The following NAV2 variants were observed in gnomAD, a reference collection of about 807,000 sequenced individuals.
NAV2 encodes neuron navigator 2.
In NAV2, 54 loss-of-function variants were observed where a neutral mutation model predicts 223.2. The ratio of observed to expected loss-of-function variants is 0.24; its 90% CI spans 0.19 to 0.30. The LOEUF is 0.30. Ranked by LOEUF, NAV2 falls within the 10% of genes least tolerant of loss-of-function variation. NAV2 has a pLI of 1.00. For synonymous variants in NAV2, 1,279 were observed against 1,239.3 expected (o/e 1.03, Z -0.67); for missense variants, 2,806 against 3,147.5 (o/e 0.89, Z 2.60).
Position 20,044,139 on chromosome 11 carries a change from C to G in NAV2, c.3066C>G (p.Ser1022Arg), listed in dbSNP as rs753288062. The change falls in exon 13 of 38, where the codon AGC becomes AGG. Residue 1022 changes from serine (S) to arginine (R), a missense_variant. By Grantham distance (110) the Ser-to-Arg change is moderately radical. This residue lies in a region of NAV2 where 742 missense variants were observed against 777.9 expected (regional missense o/e 0.95). Coordinates refer to ENST00000349880, the MANE Select transcript of NAV2 (RefSeq NM_145117.5). ...PSDVSDESDK[S>R]TSGKKNPVIS... ...ATGTGTCTGACGAGTCCGACAAAAG[C>G]ACGTCGGGCAAGAAGAATCCTGTCA... is the stretch of plus-strand genomic sequence containing the variant. The G allele has an allele frequency of 3.1e-6, 5 of 1,614,208 alleles. No individual in the cohort carries two copies. Among genetic ancestry groups the G allele is most frequent in the Admixed American group, 1.7e-5 (1 of 60,034 alleles).
At chr11:19,595,424 A>G (rs1207586282) in intron 1 of NAV2, among the ~76,000 whole-genome samples, 2 of 152,210 alleles carry the variant, frequency 1.3e-5, no homozygotes, top group South Asian at 4.1e-4. Flanking sequence ...TAACTCATTT[A>G]CTTCATGCAA....
At chr11:20,036,725 T>C (rs2056409417) in intron 12 of NAV2, among the ~76,000 whole-genome samples, 1 of 152,180 alleles carries the variant, frequency 6.6e-6, no homozygotes, top group Non-Finnish European at 1.5e-5. Context: ...ACAAAGATAT[T>C]GCTTCCTTGA....
intron 10 of NAV2, among the ~76,000 whole-genome samples, chr11:19,960,883 G>A (rs1452896596): frequency 1.3e-5 from 2 of 152,084 alleles, no homozygotes; most frequent in East Asian, 1.9e-4. Flanking sequence ...AAAGTGCTGG[G>A]ATTACAGGTG....
intron 1 of NAV2, among the ~76,000 whole-genome samples, chr11:19,706,192 T>C (rs1565182478): frequency 6.6e-6 from 1 of 152,238 alleles, no homozygotes; most frequent in Non-Finnish European, 1.5e-5. Context: ...TAAATAAGAA[T>C]CCTTTTCTTC....
At chr11:20,095,817 C>G (rs202207689) in intron 30 of NAV2, 50 bp downstream of exon 30, 3 of 1,374,414 alleles carry the variant, frequency 2.2e-6, no homozygotes, top group South Asian at 1.2e-5. Flanking sequence ...CATGGGCATC[C>G]GGGCCTGGGG....
At chr11:19,539,935 G>T (rs1439808395) in intron 1 of NAV2, among the ~76,000 whole-genome samples, 1 of 152,130 alleles carries the variant, frequency 6.6e-6, no homozygotes, top group Non-Finnish European at 1.5e-5. Context: ...TCTTATTCAA[G>T]CTTGGGCTCT....
chr11:20,030,763 C>G (rs1177770172), intron 11 of NAV2, among the ~76,000 whole-genome samples: 4 of 152,164 alleles, frequency 2.6e-5, no homozygotes, highest in South Asian at 2.1e-4. Flanking sequence ...ATAAAGATTT[C>G]AATTCTTTTT....
chr11:19,786,005 G>C (rs1175442068), intron 1 of NAV2, among the ~76,000 whole-genome samples: 2 of 152,180 alleles, frequency 1.3e-5, no homozygotes, highest in Non-Finnish European at 2.9e-5. Context: ...GAGGGAAAAG[G>C]TTCTGTTTAT....
Position 19,949,057 on chromosome 11 carries a change from C to A in NAV2, c.2622C>A (p.Ile874=). ...MSDGDVLSKN[I]RTDDITSGYM... ...ACGGGGATGTTCTGAGCAAGAACAT[C>A]CGGACCGATGACATTACAAGCGGGT... The change falls in exon 10 of 38, where the codon ATC becomes ATA. Residue 874 remains isoleucine (I), a synonymous_variant. Coordinates refer to ENST00000349880, the MANE Select transcript of NAV2 (RefSeq NM_145117.5). 1 of 1,610,324 alleles carries A rather than the reference C, an allele frequency of 6.2e-7. No individual in the cohort carries two copies. The highest frequency in any genetic ancestry group is 8.5e-7 in the Non-Finnish European group (1 of 1,177,564).
intron 3 of NAV2, among the ~76,000 whole-genome samples, chr11:19,860,719 A>AC (rs779575077): frequency 7.2e-5 from 11 of 152,008 alleles, no homozygotes; most frequent in Non-Finnish European, 1.3e-4. Context: ...AGATCATGCC[A>AC]CTGCACTCCA....
intron 1 of NAV2, among the ~76,000 whole-genome samples, chr11:19,832,106 A>G (rs536582113): frequency 1.3e-3 from 200 of 152,294 alleles, no homozygotes; most frequent in African/African-American, 4.6e-3. Flanking sequence ...TTTTCTCAAT[A>G]AAGAGAAAAA....
intron 1 of NAV2, among the ~76,000 whole-genome samples, chr11:19,661,267 G>A (rs1006970756): frequency 2.0e-5 from 3 of 152,086 alleles, no homozygotes; most frequent in Admixed American, 6.5e-5. Flanking sequence ...GTTGTAGCAC[G>A]TGTCCGAATT....
intron 2 of NAV2, among the ~76,000 whole-genome samples, chr11:19,839,500 G>A (rs552312418): frequency 1.3e-5 from 2 of 152,300 alleles, no homozygotes; most frequent in South Asian, 4.1e-4. Flanking sequence ...GGCTGCCTCT[G>A]AACACAACCA....
upstream of NAV2, among the ~76,000 whole-genome samples, chr11:19,348,034 G>A (rs1025348995): frequency 5.3e-5 from 8 of 152,140 alleles, no homozygotes; most frequent in African/African-American, 1.7e-4. Context: ...GGTGGAGACT[G>A]ACTCCTAGAA....
At chr11:19,402,348 T>C (rs551205971) in intron 1 of NAV2, among the ~76,000 whole-genome samples, 1 of 152,214 alleles carries the variant, frequency 6.6e-6, no homozygotes, top group East Asian at 1.9e-4. Flanking sequence ...CTACATAGAG[T>C]CGTGGTGATT....
intron 1 of NAV2, among the ~76,000 whole-genome samples, chr11:19,647,777 T>C (rs2047858595): frequency 6.6e-6 from 1 of 152,104 alleles, no homozygotes; most frequent in African/African-American, 2.4e-5. Flanking sequence ...AGAGAATAGG[T>C]GGGCTCTGGG....
At chr11:19,473,261 C>G (rs1023789755) in intron 1 of NAV2, among the ~76,000 whole-genome samples, 1 of 151,706 alleles carries the variant, frequency 6.6e-6, no homozygotes, top group Non-Finnish European at 1.5e-5. Context: ...GCTGCTAGAA[C>G]TCTTGAAGAT....
At chr11:19,673,740 G>A (rs890019855) in intron 1 of NAV2, among the ~76,000 whole-genome samples, 8 of 152,122 alleles carry the variant, frequency 5.3e-5, no homozygotes, top group African/African-American at 1.9e-4. Flanking sequence ...TCTGCTCTCG[G>A]GGCCTGTTCC....
At chr11:19,367,987 C>T (rs16936620) in intron 1 of NAV2, among the ~76,000 whole-genome samples, 2,402 of 152,320 alleles carry the variant, frequency 0.016, 65 homozygotes, top group African/African-American at 0.054. Flanking sequence ...ACAACTTTAT[C>T]ACTCACATGG....
Sources: allele counts gnomAD v4.1 joint callset (sites outside exome capture counted in the v4.1 genomes callset), GRCh38; gene constraint gnomAD v4.1.1; regional missense constraint gnomAD v4.1.1; transcripts MANE v1.5; gene names NCBI Gene and HGNC (gene_info 2026-07-23, HGNC 2026-07-21).